The following ETV1 variants were observed in gnomAD, a reference collection of about 807,000 sequenced individuals.
ETV1 encodes the protein ETS variant transcription factor 1.
ETV1 carries 27 observed loss-of-function variants against 62.3 expected under a neutral mutation model. The ratio of observed to expected loss-of-function variants is 0.43; its 90% CI spans 0.32 to 0.60. The LOEUF (loss-of-function observed/expected upper bound fraction) is 0.60, where lower values mean the gene tolerates loss of function less well. ETV1 is among the 20% of genes least tolerant of loss of function. The pLI is 0.06. For synonymous variants in ETV1, 222 were observed against 199.6 expected (o/e 1.11, Z -0.94); for missense variants, 605 against 605.8 (o/e 1.00, Z 0.01).
Position 13,986,260 on chromosome 7 carries a change from C to T in ETV1, c.181+378G>A, listed in dbSNP as rs973920546. 3.3e-6 allele frequency: 5 copies of T among 1,521,988 alleles called. No homozygotes were observed. The Admixed American group carries it at 1.2e-4, about 37-fold the overall frequency. 94.3% of individuals were successfully genotyped at this position (1,521,988 alleles called of 1,614,324 possible). A position where few individuals can be genotyped will look rare whatever the true frequency, so the allele number is the denominator to read the frequency against. ...ACACCAAATAATGATATGCGCTGCT[C>T]TAAAGGAAACAGCAAGCCAGCCGGG... On this transcript the variant is annotated intron_variant, in intron 5 of 13. Coordinates refer to ENST00000430479, the MANE Select transcript of ETV1 (RefSeq NM_004956.5).
chr7:13,961,352 C>T (rs1229751554), intron 6 of ETV1, among the ~76,000 whole-genome samples: 2 of 152,040 alleles, frequency 1.3e-5, no homozygotes, highest in African/African-American at 4.8e-5. Context: ...TTTAAATGGG[C>T]TTCAAGAGGA....
chr7:13,951,564 T>C (rs2128472520), intron 6 of ETV1, among the ~76,000 whole-genome samples: 1 of 152,258 alleles, frequency 6.6e-6, no homozygotes, highest in East Asian at 1.9e-4. Context: ...CATCAAGTGT[T>C]ACAGCCAAAA....
intron 9 of ETV1, among the ~76,000 whole-genome samples, chr7:13,929,843 G>A (rs930138210): frequency 6.6e-6 from 1 of 152,146 alleles, no homozygotes; most frequent in Admixed American, 6.5e-5. Context: ...GGCCAGTGTA[G>A]AAGGATGACC....
Position 13,909,663 on chromosome 7 carries a change from A to G in ETV1, c.909T>C (p.Asp303=), listed in dbSNP as rs752424864. The stretch of plus-strand genomic sequence containing the variant: ...ATTTTTCTGGGACAACACAGGTGTC[A>G]TCATAAAACTGCCTGGGGCCCTTTT... The part of the protein sequence containing the change: ...MFEKGPRQFY[D]DTCVVPEKFD... Residue 303 remains aspartate (D), a synonymous_variant, in exon 11 of 14, where the codon GAT becomes GAC. Transcript: ENST00000430479. 3 of 1,613,620 alleles carry G rather than the reference A, an allele frequency of 1.9e-6. No homozygotes were observed. In the South Asian group the frequency reaches 3.3e-5, roughly 18 times the overall value.
At chr7:13,900,656 AATG>A (rs1227920894) in intron 13 of ETV1, 79 bp downstream of exon 13, 36 of 983,068 alleles carry the variant, frequency 3.7e-5, no homozygotes, top group Non-Finnish European at 5.3e-5. Context: ...TCAGCAATGC[AATG>A]ATATGTGGCG....
intron 6 of ETV1, among the ~76,000 whole-genome samples, chr7:13,947,888 A>C (rs1260386148): frequency 1.3e-5 from 2 of 152,208 alleles, no homozygotes; most frequent in Non-Finnish European, 2.9e-5. Context: ...ATGGAAGTCC[A>C]ATTAGAGCTT....
intron 11 of ETV1, among the ~76,000 whole-genome samples, chr7:13,906,914 A>G (rs972030527): frequency 6.6e-6 from 1 of 152,104 alleles, no homozygotes; most frequent in Non-Finnish European, 1.5e-5. Context: ...GATTTCTTTA[A>G]AAACCATCGT....
At chr7:13,906,678 TA>T (rs1248338246) in intron 11 of ETV1, 79 bp from the exon 12 acceptor site, 5 of 1,089,262 alleles carry the variant, frequency 4.6e-6, no homozygotes, top group Non-Finnish European at 6.4e-6. Context: ...AATCAATCAC[TA>T]ATATGGTTAA....
chr7:13,925,690 A>C (rs113935292), intron 9 of ETV1, among the ~76,000 whole-genome samples: 19,654 of 151,250 alleles, frequency 0.13, 1,370 homozygotes, highest in East Asian at 0.19. Context: ...CTCAGCCTCC[A>C]GAGTAGCTGG....
At chr7:13,909,347 C>G (rs1380785508) in intron 11 of ETV1, among the ~76,000 whole-genome samples, 2 of 152,138 alleles carry the variant, frequency 1.3e-5, no homozygotes, top group African/African-American at 4.8e-5. Flanking sequence ...ATGTGCTCAG[C>G]AGGGCAATGG....
chr7:13,989,690 T>C (rs1417057511), upstream of ETV1: 5 of 398,510 alleles, frequency 1.3e-5, no homozygotes, highest in African/African-American at 4.1e-5. Context: ...TCGGTGGTTT[T>C]TCCTCTACTT....
intron 6 of ETV1, among the ~76,000 whole-genome samples, chr7:13,942,666 G>A (rs928995065): frequency 6.6e-5 from 10 of 152,052 alleles, no homozygotes; most frequent in African/African-American, 2.4e-4. Context: ...CCAAGTTTTA[G>A]CACTTCAGAT....
chr7:13,930,766 G>A (rs938107323), intron 9 of ETV1, among the ~76,000 whole-genome samples: 1 of 151,142 alleles, frequency 6.6e-6, no homozygotes, highest in Non-Finnish European at 1.5e-5. Context: ...TCTTACTTAC[G>A]AACACTTAGA....
At chr7:13,987,418 T>G (rs2884302) in intron 4 of ETV1, among the ~76,000 whole-genome samples, 86,736 of 151,696 alleles carry the variant, frequency 0.57, 25,107 homozygotes, top group African/African-American at 0.63. Flanking sequence ...CTAAGTATAT[T>G]AAGTTTATTA....
chr7:13,896,236 T>TAA (rs5882422), intron 13 of ETV1, 149 bp from the exon 14 acceptor site: 6,268 of 478,344 alleles, frequency 0.013, 46 homozygotes, highest in African/African-American at 0.058. Context: ...CAGATACACA[T>TAA]AAAAAAAAAA....
At chr7:13,927,685 A>G (rs1303404967) in intron 9 of ETV1, among the ~76,000 whole-genome samples, 1 of 152,214 alleles carries the variant, frequency 6.6e-6, no homozygotes, top group African/African-American at 2.4e-5. Context: ...GTTGATTGCC[A>G]TGTATGACAT....
At chr7:13,896,165 C>G in intron 13 of ETV1, 78 bp from the exon 14 acceptor site, 2 of 1,258,088 alleles carry the variant, frequency 1.6e-6, no homozygotes, top group Non-Finnish European at 2.3e-6. Context: ...AAGCCAAAAA[C>G]GTGGTTTAAT....
chr7:13,957,049 G>A (rs922528832), intron 6 of ETV1, among the ~76,000 whole-genome samples: 3 of 151,794 alleles, frequency 2.0e-5, no homozygotes, highest in Non-Finnish European at 4.4e-5. Flanking sequence ...TTACTGCTAC[G>A]TAAACCTAAG....
intron 5 of ETV1, among the ~76,000 whole-genome samples, chr7:13,979,701 CT>C (rs1406815304): frequency 6.6e-6 from 1 of 152,056 alleles, no homozygotes; most frequent in African/African-American, 2.4e-5. Flanking sequence ...AATTACTGGG[CT>C]TTTAAAAAGC....
Sources: allele counts gnomAD v4.1 joint callset (sites outside exome capture counted in the v4.1 genomes callset), GRCh38; gene constraint gnomAD v4.1.1; transcripts MANE v1.5; gene names NCBI Gene and HGNC (gene_info 2026-07-23, HGNC 2026-07-21).